The following KCNQ3 variants were observed in gnomAD, a reference collection of about 807,000 sequenced individuals.
KCNQ3 encodes potassium voltage-gated channel subfamily Q member 3, also known as potassium voltage-gated channel subfamily KQT member 3.
KCNQ3 carries 30 observed loss-of-function variants against 92.5 expected under a neutral mutation model. The observed-to-expected ratio is 0.32, with a 90% CI of 0.24 to 0.44. KCNQ3 has a LOEUF of 0.44. KCNQ3 is among the 20% of genes least tolerant of loss of function. The probability of loss-of-function intolerance (pLI) is 1.00; values close to 1 mark genes in which losing one functional copy is unlikely to be tolerated. For missense variants in KCNQ3, 913 were observed against 1,140.3 expected, an observed-to-expected ratio of 0.80 and a Z score of 2.87; for synonymous variants, 450 against 468.8, an observed-to-expected ratio of 0.96 and a Z score of 0.52.
At chr8:132,223,326 C>T (rs943649998) in intron 1 of KCNQ3, among the ~76,000 whole-genome samples, 1 of 152,128 alleles carries the variant, frequency 6.6e-6, no homozygotes, top group African/African-American at 2.4e-5. Flanking sequence ...GGCTTGCTGT[C>T]CAGCAGGGAA....
At position 132,137,962 on chromosome 8, in the gene KCNQ3, G is replaced by A. The variant is rs138900075; in HGVS notation, c.1623C>T (p.Tyr541=). The change falls in exon 12 of 15, where the codon TAC becomes TAT. Residue 541 remains tyrosine, a synonymous_variant. Transcript: ENST00000388996. ...KKKFKETLRP[Y]DVKDVIEQYS... The stretch of plus-strand genomic sequence containing the variant: ...ACTGCTCAATCACATCCTTCACATC[G>A]TAAGGCCTCAAAGTCTCCTTGAATT... 62 of 1,613,102 alleles carry A rather than the reference G, an allele frequency of 3.8e-5. No homozygotes were observed. Among genetic ancestry groups the A allele is most frequent in the African/African-American group, 6.7e-5 (5 of 74,864 alleles).
intron 1 of KCNQ3, among the ~76,000 whole-genome samples, chr8:132,384,715 CAT>C (rs1479555566): frequency 6.6e-6 from 1 of 152,164 alleles, no homozygotes; most frequent in Admixed American, 6.5e-5. Context: ...GAGCAGGACT[CAT>C]AACTTTCTGA....
chr8:132,172,501 C>T, intron 7 of KCNQ3, 97 bp downstream of exon 7: 1 of 1,119,030 alleles, frequency 8.9e-7, no homozygotes, highest in Admixed American at 1.7e-5. Flanking sequence ...AGTATGTCCC[C>T]TCCACATGTG....
chr8:132,461,574 G>C (rs1330372827), intron 1 of KCNQ3, among the ~76,000 whole-genome samples: 1 of 151,958 alleles, frequency 6.6e-6, no homozygotes, highest in Non-Finnish European at 1.5e-5. Context: ...TCAAAAAAAA[G>C]AAAAGAAAAG....
rs1268573501 is a variant in KCNQ3 at position 132,309,563 on chromosome 8, GC to G, written c.387-123383del. On this transcript the variant is annotated intron_variant, in intron 1 of 14. Coordinates refer to ENST00000388996, the MANE Select transcript of KCNQ3 (RefSeq NM_004519.4). ...CACCCTGGACTACATCCATGAGTGT[GC>G]CCCCAGAAAATGAGGCACCTCCCAG... 7.2e-5 allele frequency among the ~76,000 whole-genome samples: 11 copies of G among 152,210 alleles called. No homozygotes were observed. The South Asian group carries it at 8.3e-4, about 11-fold the overall frequency.
chr8:132,401,530 C>G (rs983835737), intron 1 of KCNQ3, among the ~76,000 whole-genome samples: 16 of 152,258 alleles, frequency 1.1e-4, no homozygotes, highest in Admixed American at 4.6e-4. Context: ...CATGTGCCAC[C>G]ACGCCCAGCT....
intron 1 of KCNQ3, among the ~76,000 whole-genome samples, chr8:132,398,487 C>T (rs1393109499): frequency 6.6e-6 from 1 of 152,120 alleles, no homozygotes; most frequent in African/African-American, 2.4e-5. Flanking sequence ...TCTCTATGTA[C>T]TTTGTTCTGC....
chr8:132,347,934 G>A (rs112872936), intron 1 of KCNQ3, among the ~76,000 whole-genome samples: 36,173 of 141,632 alleles, frequency 0.26, 5,024 homozygotes, highest in African/African-American at 0.4. Flanking sequence ...CCAAGAACAC[G>A]CCACTGCACT....
At chr8:132,170,113 T>G (rs1461093100) in intron 8 of KCNQ3, among the ~76,000 whole-genome samples, 1 of 152,102 alleles carries the variant, frequency 6.6e-6, no homozygotes, top group Non-Finnish European at 1.5e-5. Flanking sequence ...CCTCAGGTGA[T>G]CCACCCGCCT....
chr8:132,210,505 T>G (rs760833668), intron 1 of KCNQ3, among the ~76,000 whole-genome samples: 9 of 152,206 alleles, frequency 5.9e-5, no homozygotes, highest in African/African-American at 2.2e-4. Flanking sequence ...GTGTAACAAA[T>G]TACCCCGAAC....
intron 1 of KCNQ3, among the ~76,000 whole-genome samples, chr8:132,342,459 C>T (rs904657467): frequency 1.1e-4 from 16 of 152,146 alleles, no homozygotes; most frequent in Admixed American, 4.6e-4. Flanking sequence ...AGGCAGCCCA[C>T]GGGCAAAATT....
chr8:132,447,199 A>G (rs1444090464), intron 1 of KCNQ3: 1 of 1,535,202 alleles, frequency 6.5e-7, no homozygotes, highest in Admixed American at 2.0e-5. Context: ...CCAAAGACTT[A>G]CATCGTGGCG....
intron 1 of KCNQ3, among the ~76,000 whole-genome samples, chr8:132,255,260 T>C (rs1297852524): frequency 6.6e-6 from 1 of 152,088 alleles, no homozygotes; most frequent in Non-Finnish European, 1.5e-5. Context: ...TGTCTGGTGA[T>C]TCCCTGAAAA....
At chr8:132,473,637 T>C (rs1465957161) in intron 1 of KCNQ3, among the ~76,000 whole-genome samples, 1 of 152,204 alleles carries the variant, frequency 6.6e-6, no homozygotes. Context: ...GTGCTCTTAG[T>C]TTCACAAGAG....
chr8:132,388,411 A>G (rs1819955522), intron 1 of KCNQ3, among the ~76,000 whole-genome samples: 1 of 152,230 alleles, frequency 6.6e-6, no homozygotes. Flanking sequence ...TATTCTAGTT[A>G]AAAAGTAAAA....
chr8:132,322,872 A>G (rs765683092), intron 1 of KCNQ3, among the ~76,000 whole-genome samples: 42 of 152,222 alleles, frequency 2.8e-4, no homozygotes, highest in Admixed American at 6.5e-5. Context: ...ATCTGAGAAT[A>G]GAGAGCTCCA....
Position 132,350,147 on chromosome 8 carries a change from T to C in KCNQ3, c.386+130000A>G, listed in dbSNP as rs530176581. ...CTTAGTGAGGTGAACACAAACATTGTTGGCAGTCCGGATACATCTTGCAGA... is the reference window on the plus strand; with the variant it reads ...CTTAGTGAGGTGAACACAAACATTGCTGGCAGTCCGGATACATCTTGCAGA... On this transcript the variant is annotated intron_variant, in intron 1 of 14. Coordinates refer to ENST00000388996, the MANE Select transcript of KCNQ3 (RefSeq NM_004519.4). Among the ~76,000 whole-genome samples the C allele has an allele frequency of 4.6e-5, 7 of 152,310 alleles. No homozygotes were observed. The East Asian group carries it at 5.8e-4, about 13-fold the overall frequency.
At chr8:132,470,455 G>T (rs998137106) in intron 1 of KCNQ3, among the ~76,000 whole-genome samples, 1 of 151,810 alleles carries the variant, frequency 6.6e-6, no homozygotes, top group Non-Finnish European at 1.5e-5. Context: ...TGTGTGTATT[G>T]TGTGTGTGCA....
intron 11 of KCNQ3, among the ~76,000 whole-genome samples, chr8:132,139,379 G>A (rs1001361450): frequency 3.3e-5 from 5 of 152,170 alleles, no homozygotes; most frequent in Admixed American, 6.5e-5. Flanking sequence ...GAAAATCCAC[G>A]TCCAAGGCTT....
Sources: gnomAD v4.1 joint callset for allele counts (sites outside exome capture counted in the v4.1 genomes callset) on GRCh38, gnomAD v4.1.1 for gene constraint, MANE v1.5 for transcripts, NCBI Gene and HGNC (gene_info 2026-07-23, HGNC 2026-07-21) for gene names.